The following NRTN variants were observed in gnomAD, a reference collection of about 807,000 sequenced individuals.
The protein encoded by NRTN is neurturin.
NRTN carries 3 observed loss-of-function variants against 7.5 expected under a neutral mutation model. The ratio of observed to expected loss-of-function variants is 0.40; its 90% CI spans 0.18 to 1.03. The LOEUF is 1.03. Among genes scored for constraint, NRTN ranks in the 50% least tolerant of loss-of-function variants. The pLI is 0.34. For synonymous variants in NRTN, 157 were observed against 146.6 expected, an observed-to-expected ratio of 1.07 and a Z score of -0.51; for missense variants, 310 against 307.0, an observed-to-expected ratio of 1.01 and a Z score of -0.07.
At chr19:5,822,966 G>C (rs2057030703) in intron 1 of NRTN, among the ~76,000 whole-genome samples, 1 of 151,764 alleles carries the variant, frequency 6.6e-6, no homozygotes, top group Non-Finnish European at 1.5e-5. Flanking sequence ...GGAGGCTGCA[G>C]TGAGCTGTGA....
chr19:5,819,901 A>G (rs2057017531), intron 1 of NRTN, among the ~76,000 whole-genome samples: 1 of 151,948 alleles, frequency 6.6e-6, no homozygotes, highest in African/African-American at 2.4e-5. Flanking sequence ...GACGCTTGTA[A>G]GGTTGGAATG....
chr19:5,812,244 C>A (rs2056992774), intron 1 of NRTN, among the ~76,000 whole-genome samples: 1 of 152,060 alleles, frequency 6.6e-6, no homozygotes, highest in Admixed American at 6.6e-5. Flanking sequence ...TCCCCAGAAA[C>A]CACTATCCCT....
intron 1 of NRTN, among the ~76,000 whole-genome samples, chr19:5,814,396 A>G (rs1052927782): frequency 3.3e-5 from 5 of 152,142 alleles, no homozygotes; most frequent in African/African-American, 9.7e-5. Flanking sequence ...ATAGGCCCCA[A>G]TTCCAGGCCT....
At chr19:5,816,428 G>A (rs79188022) in intron 1 of NRTN, among the ~76,000 whole-genome samples, 11,552 of 151,998 alleles carry the variant, frequency 0.076, 981 homozygotes, top group East Asian at 0.42. Flanking sequence ...GTCCAGGCTG[G>A]AATGCAGTGG....
At chr19:5,825,069 G>A (rs1205351009) in intron 2 of NRTN, among the ~76,000 whole-genome samples, 1 of 152,124 alleles carries the variant, frequency 6.6e-6, no homozygotes, top group Non-Finnish European at 1.5e-5. Context: ...AGGGACCAAG[G>A]GGAGGCGGGA....
chr19:5,805,819 G>T (rs1568395037), intron 1 of NRTN, among the ~76,000 whole-genome samples: 1 of 152,046 alleles, frequency 6.6e-6, no homozygotes, highest in Non-Finnish European at 1.5e-5. Flanking sequence ...CAGCCCTTTA[G>T]CCATGTGGTC....
At chr19:5,822,230 T>C (rs956448594) in intron 1 of NRTN, among the ~76,000 whole-genome samples, 2 of 136,688 alleles carry the variant, frequency 1.5e-5, no homozygotes, top group East Asian at 5.0e-4. Context: ...AATAAATCTC[T>C]GGGTGGTGCA....
At chr19:5,826,045 GA>G (rs1156776924) in intron 2 of NRTN, among the ~76,000 whole-genome samples, 1 of 152,010 alleles carries the variant, frequency 6.6e-6, no homozygotes. Context: ...TGAGGCGGGA[GA>G]ATGGCGTGAA....
chr19:5,810,557 A>T lies in NRTN; in HGVS notation c.-399+5106A>T, dbSNP rs139994762. 4.2e-3 allele frequency among the ~76,000 whole-genome samples: 637 copies of T among 152,192 alleles called. 10 individuals are homozygous for T. The highest frequency in any genetic ancestry group is 7.4e-3 in the Non-Finnish European group (502 of 67,982). On this transcript the variant is annotated intron_variant, in intron 1 of 2. Transcript: ENST00000303212. ...TTAAATGTAGAGGAAAGCACTCATC[A>T]CAGTGTCTGCCTCTAAATAATGGAA... is the stretch of plus-strand genomic sequence containing the variant.
At position 5,806,148 on chromosome 19, in the gene NRTN, A is replaced by G. The variant is rs867622848; in HGVS notation, c.-399+697A>G. Among the ~76,000 whole-genome samples, 44 of 152,094 alleles carry G rather than the reference A, an allele frequency of 2.9e-4. No homozygotes were observed. Among genetic ancestry groups the G allele is most frequent in the African/African-American group, 1.0e-3 (43 of 41,424 alleles). ...TAAAAGGTGTCTCCTGCACGGGGAT[A>G]GCCCCGAATTGTCCCAGGAGGTGGT... is the stretch of plus-strand genomic sequence containing the variant. On this transcript the variant is annotated intron_variant, in intron 1 of 2. Coordinates refer to ENST00000303212, the MANE Select transcript of NRTN (RefSeq NM_004558.5). The surrounding 1 kb of genome is among the most constrained non-coding windows in gnomAD (Gnocchi z 5.4).
intron 1 of NRTN, among the ~76,000 whole-genome samples, chr19:5,812,165 G>A (rs1195340672): frequency 4.0e-5 from 6 of 150,802 alleles, no homozygotes; most frequent in Admixed American, 1.3e-4. Context: ...CCACCGTGCC[G>A]GGCCCAGTTA....
intron 1 of NRTN, among the ~76,000 whole-genome samples, chr19:5,818,314 G>A (rs2057012559): frequency 6.6e-6 from 1 of 152,162 alleles, no homozygotes; most frequent in Non-Finnish European, 1.5e-5. Flanking sequence ...GAATGCTTGA[G>A]CATGTGAGTG....
At chr19:5,812,457 G>T (rs2056993250) in intron 1 of NRTN, among the ~76,000 whole-genome samples, 1 of 152,200 alleles carries the variant, frequency 6.6e-6, no homozygotes, top group Non-Finnish European at 1.5e-5. Context: ...GCGGCTGGGG[G>T]TGTCTGTGTC....
At chr19:5,813,951 T>C (rs1209154891) in intron 1 of NRTN, among the ~76,000 whole-genome samples, 2 of 151,946 alleles carry the variant, frequency 1.3e-5, no homozygotes, top group Admixed American at 1.3e-4. Context: ...GAGGTTGCAA[T>C]CAGCTGAGAT....
rs1345563013 is a variant in NRTN at position 5,816,264 on chromosome 19, T to C, written c.-398-7504T>C. 2.0e-5 allele frequency among the ~76,000 whole-genome samples: 3 copies of C among 152,364 alleles called. No homozygotes were observed. The East Asian group carries it at 5.8e-4, about 29-fold the overall frequency. ...CCCAGGGTCCATCCAGGATCCCAGA[T>C]GACATTTAGCCATCCCCTTTCCTTT... On this transcript the variant is annotated intron_variant, in intron 1 of 2. Coordinates refer to ENST00000303212, the MANE Select transcript of NRTN (RefSeq NM_004558.5).
In NRTN at chr19:5,824,058, CAA is replaced by C. The variant is rs1237035393; in HGVS notation, c.-106_-105del. The stretch of plus-strand genomic sequence containing the variant: ...GATTATCGACCATTCGGCAGGCGTT[CAA>C]AGTCAAAGGCCCCACACTGAGTCCT... On this transcript the variant is annotated 5_prime_UTR_variant, in exon 2 of 3. Coordinates refer to ENST00000303212, the MANE Select transcript of NRTN (RefSeq NM_004558.5). 3 of 1,422,398 alleles carry C rather than the reference CAA, an allele frequency of 2.1e-6. No individual in the cohort carries two copies. Among genetic ancestry groups the C allele is most frequent in the Non-Finnish European group, 2.9e-6 (3 of 1,024,384 alleles). 88.1% of individuals were successfully genotyped at this position (1,422,398 alleles called of 1,614,324 possible). A position where few individuals can be genotyped will look rare whatever the true frequency, so the allele number is the denominator to read the frequency against.
chr19:5,824,131 C>A lies in NRTN; in HGVS notation c.-35C>A. The stretch of plus-strand genomic sequence containing the variant: ...TTGGCTGCTGGAGGGACAGACGGGG[C>A]GTGCGGCTGACCATCCCGTGCCCGC... On this transcript the variant is annotated 5_prime_UTR_variant, in exon 2 of 3. Transcript: ENST00000303212. 2 of 1,600,632 alleles carry A rather than the reference C, an allele frequency of 1.2e-6. No individual in the cohort carries two copies. Among genetic ancestry groups the A allele is most frequent in the Non-Finnish European group, 1.7e-6 (2 of 1,179,600 alleles).
intron 1 of NRTN, among the ~76,000 whole-genome samples, chr19:5,810,662 A>G (rs373051526): frequency 1.1e-3 from 167 of 151,814 alleles, no homozygotes; most frequent in South Asian, 5.2e-3. Context: ...AGCCGGGCGC[A>G]GTGGCTCGTG....
intron 1 of NRTN, among the ~76,000 whole-genome samples, chr19:5,808,844 C>G (rs2056981496): frequency 6.6e-6 from 1 of 151,598 alleles, no homozygotes; most frequent in African/African-American, 2.4e-5. Flanking sequence ...CAAGCTCCGC[C>G]TCCCGGGTTC....
Sources: gnomAD v4.1 joint callset for allele counts (sites outside exome capture counted in the v4.1 genomes callset) on GRCh38, gnomAD v4.1.1 for gene constraint, Gnocchi (gnomAD v3.1) non-coding constraint, MANE v1.5 for transcripts, NCBI Gene and HGNC (gene_info 2026-07-23, HGNC 2026-07-21) for gene names.